Variants in EXD3 observed in about 807,000 individuals in gnomAD.
EXD3 encodes the protein exonuclease mut-7 homolog.
A neutral mutation model predicts 98.0 loss-of-function variants in EXD3; 92 were observed. That is an observed-to-expected ratio of 0.94 (90% CI 0.79 to 1.12). The LOEUF (loss-of-function observed/expected upper bound fraction) is 1.12, where lower values mean the gene tolerates loss of function less well. Ranked by LOEUF, EXD3 falls within the 50% of genes most tolerant of loss-of-function variation. The pLI is 0.00. For missense variants in EXD3, 1,222 were observed against 1,191.6 expected, an observed-to-expected ratio of 1.03 and a Z score of -0.38; for synonymous variants, 569 against 526.0, an observed-to-expected ratio of 1.08 and a Z score of -1.12.
intron 17 of EXD3, among the ~76,000 whole-genome samples, chr9:137,328,485 A>ACTAATATACACTC (rs1336695260): frequency 5.9e-5 from 9 of 151,746 alleles, no homozygotes; most frequent in East Asian, 2.0e-4. Context: ...AGTAAAAACA[A>ACTAATATACACTC]AAGTAAAAAC....
Position 137,381,730 on chromosome 9 carries a change from C to T in EXD3, c.120+1583G>A, listed in dbSNP as rs569919738. Among the ~76,000 whole-genome samples, 4 of 152,328 alleles carry T rather than the reference C, an allele frequency of 2.6e-5. No individual in the cohort carries two copies. The South Asian group carries it at 8.3e-4, about 32-fold the overall frequency. On this transcript the variant is annotated intron_variant, in intron 3 of 21. Transcript: ENST00000340951. Reference sequence around the variant, plus strand: ...AAATCCTGGTCTTCATCTCCCTCCTCTGGGGGCACCCGGCGTCTGTGCCAC... The same window carrying T: ...AAATCCTGGTCTTCATCTCCCTCCTTTGGGGGCACCCGGCGTCTGTGCCAC...
chr9:137,349,195 C>A lies in EXD3; in HGVS notation c.1745G>T (p.Ser582Ile). 1 of 1,586,848 alleles carries A rather than the reference C, an allele frequency of 6.3e-7. No individual in the cohort carries two copies. The highest frequency in any genetic ancestry group is 8.5e-7 in the Non-Finnish European group (1 of 1,172,776). The change falls in exon 16 of 22, where the codon AGC (serine) becomes ATC (isoleucine). Residue 582 changes from serine (S) to isoleucine (I), a missense_variant. Coordinates refer to ENST00000340951, the MANE Select transcript of EXD3 (RefSeq NM_017820.5). This position sits in a 1 kb window ranked among gnomAD's most constrained non-coding sequence, Gnocchi z 7.4. ...TCTCTCTCTGTGCCTGGGCCTCCGG[C>A]TCCCAGCCAGGTCCTCCGACAGGTG... ...RFHLSEDLAG[S>I]RRPRHRERPG...
rs527889648 is a variant in EXD3 at position 137,393,945 on chromosome 9, C to T, written c.55+1358G>A. Among the ~76,000 whole-genome samples the T allele has an allele frequency of 2.0e-5, 3 of 152,276 alleles. No homozygotes were observed. Among genetic ancestry groups the T allele is most frequent in the East Asian group, 1.9e-4 (1 of 5,186 alleles). On this transcript the variant is annotated intron_variant, in intron 2 of 21. Transcript: ENST00000340951. The surrounding 1 kb of genome is among the most constrained non-coding windows in gnomAD (Gnocchi z 4.6). ...CAGGGTGAAGGATGTGAAGGGGCCC[C>T]GGCACCCCCTTCTCACCCTCTGCCC...
intron 17 of EXD3, among the ~76,000 whole-genome samples, chr9:137,329,493 G>A (rs62644239): frequency 0.3 from 3,348 of 11,256 alleles, 21 homozygotes; most frequent in Admixed American, 0.38. Flanking sequence ...GGGACTACAC[G>A]GGGTCACACG....
chr9:137,339,582 C>T (rs1041005803), intron 17 of EXD3, among the ~76,000 whole-genome samples: 2 of 151,452 alleles, frequency 1.3e-5, no homozygotes, highest in African/African-American at 2.4e-5. Flanking sequence ...GAATTTAACC[C>T]AGGAAAGAAA....
chr9:137,340,400 C>T (rs1344070342), intron 17 of EXD3, among the ~76,000 whole-genome samples: 1 of 152,018 alleles, frequency 6.6e-6, no homozygotes, highest in Admixed American at 6.5e-5. Context: ...TCACTTGAAT[C>T]CGGGAGGCAG....
chr9:137,390,242 A>T (rs1035168729), intron 2 of EXD3, among the ~76,000 whole-genome samples: 28 of 151,528 alleles, frequency 1.8e-4, no homozygotes, highest in East Asian at 1.4e-3. Flanking sequence ...CATCCTGGCT[A>T]ACATGGTGAA....
chr9:137,319,658 G>A (rs779753013), intron 19 of EXD3, among the ~76,000 whole-genome samples: 16 of 152,210 alleles, frequency 1.1e-4, no homozygotes, highest in Non-Finnish European at 2.4e-4. Flanking sequence ...CCAAGGAGGC[G>A]GGTGCGCACA....
At chr9:137,375,647 T>TGAGTTCTAGCTCTAGC (rs879811210) in intron 3 of EXD3, among the ~76,000 whole-genome samples, 1,585 of 152,160 alleles carry the variant, frequency 0.01, 27 homozygotes, top group African/African-American at 0.036. Flanking sequence ...CTAGCTCTAG[T>TGAGTTCTAGCTCTAGC]GAGTTCTAGC....
chr9:137,320,783 C>G (rs1352067071), intron 19 of EXD3, among the ~76,000 whole-genome samples: 1 of 152,192 alleles, frequency 6.6e-6, no homozygotes, highest in Non-Finnish European at 1.5e-5. Context: ...AGGGCTCCAG[C>G]AGGGGTTTCC....
In EXD3 at chr9:137,407,332, G is replaced by A. The variant is rs1333832951; in HGVS notation, c.-47-11928C>T. 6.6e-6 allele frequency among the ~76,000 whole-genome samples: 1 copy of A among 152,306 alleles called. No individual in the cohort carries two copies. The highest frequency in any genetic ancestry group is 1.9e-4 in the East Asian group (1 of 5,172). On this transcript the variant is annotated intron_variant, in intron 1 of 21. Coordinates refer to ENST00000340951, the MANE Select transcript of EXD3 (RefSeq NM_017820.5). This position sits in a 1 kb window ranked among gnomAD's most constrained non-coding sequence, Gnocchi z 4.4. Reference sequence around the variant, plus strand: ...AACACGGGGCGGCCCCTCCACCTCTGTCCGCCTGCCCTAAATACCGCAGAG... The same window carrying A: ...AACACGGGGCGGCCCCTCCACCTCTATCCGCCTGCCCTAAATACCGCAGAG...
intron 7 of EXD3, among the ~76,000 whole-genome samples, chr9:137,357,744 G>GTATATA (rs58516378): frequency 6.8e-6 from 1 of 147,106 alleles, no homozygotes; most frequent in East Asian, 2.0e-4. Context: ...ATATATATGT[G>GTATATA]TATATATATA....
In EXD3 at chr9:137,382,750, C is replaced by T. The variant is rs536245732; in HGVS notation, c.120+563G>A. The stretch of plus-strand genomic sequence containing the variant: ...AGGGCGTCCCCCGGACCTGCAGGAG[C>T]GACCTCGGGCCAGAGGACGCGGCAC... On this transcript the variant is annotated intron_variant, in intron 3 of 21. Coordinates refer to ENST00000340951, the MANE Select transcript of EXD3 (RefSeq NM_017820.5). 3.0e-3 allele frequency among the ~76,000 whole-genome samples: 453 copies of T among 152,208 alleles called. 1 individual carries two copies. Among genetic ancestry groups the T allele is most frequent in the African/African-American group, 0.011 (441 of 41,512 alleles).
intron 3 of EXD3, among the ~76,000 whole-genome samples, chr9:137,376,200 C>T (rs564161316): frequency 8.6e-5 from 13 of 151,798 alleles, no homozygotes; most frequent in South Asian, 2.1e-4. Flanking sequence ...AAAAATTAGC[C>T]GGGCATGGTG....
At chr9:137,345,787 C>T (rs1463677558) in intron 17 of EXD3, 6 of 152,130 alleles carry the variant, frequency 3.9e-5, no homozygotes, top group Non-Finnish European at 8.8e-5. Flanking sequence ...TCTATGTCTG[C>T]CTCTGTGAGA....
At position 137,351,080 on chromosome 9, in the gene EXD3, C is replaced by T. The variant is rs1834272297; in HGVS notation, c.1452G>A (p.Lys484=). The change falls in exon 14 of 22, where the codon AAG becomes AAA. Residue 484 remains lysine (K), a synonymous_variant. Transcript: ENST00000340951. The part of the protein sequence containing the change: ...TSCPALAHVE[K]QILGGMDLLL... ...GCAGGTCCATGCCGCCCAGAATCTGCTTCTCCACATGGGCCAGGGCGGGGC... is the reference window on the plus strand; with the variant it reads ...GCAGGTCCATGCCGCCCAGAATCTGTTTCTCCACATGGGCCAGGGCGGGGC... 3 of 1,580,376 alleles carry T rather than the reference C, an allele frequency of 1.9e-6. No homozygotes were observed. Among genetic ancestry groups the T allele is most frequent in the African/African-American group, 2.7e-5 (2 of 74,110 alleles).
intron 19 of EXD3, among the ~76,000 whole-genome samples, chr9:137,322,457 A>G (rs1351810195): frequency 2.8e-4 from 35 of 124,278 alleles, no homozygotes; most frequent in South Asian, 1.6e-3. Flanking sequence ...CCCACGAGGG[A>G]TGCTCTGCCG....
At chr9:137,398,918 C>T (rs576825124) in intron 1 of EXD3, among the ~76,000 whole-genome samples, 40 of 151,258 alleles carry the variant, frequency 2.6e-4, no homozygotes, top group African/African-American at 8.5e-4. Context: ...CAGGCAACCG[C>T]GTCTCCGTGA....
At chr9:137,374,088 G>A (rs1418641690) in intron 3 of EXD3, among the ~76,000 whole-genome samples, 1 of 152,256 alleles carries the variant, frequency 6.6e-6, no homozygotes, top group African/African-American at 2.4e-5. Context: ...ATCTGTTTTG[G>A]GCTCTGGCTT....
Sources: allele counts gnomAD v4.1 joint callset (sites outside exome capture counted in the v4.1 genomes callset), GRCh38; gene constraint gnomAD v4.1.1; non-coding constraint Gnocchi (gnomAD v3.1); transcripts MANE v1.5; gene names NCBI Gene and HGNC (gene_info 2026-07-23, HGNC 2026-07-21).